The following EBF2 variants were observed in gnomAD, a reference collection of about 807,000 sequenced individuals.
The protein encoded by EBF2 is EBF transcription factor 2.
A neutral mutation model predicts 72.8 loss-of-function variants in EBF2; 21 were observed. The ratio of observed to expected loss-of-function variants is 0.29; its 90% confidence interval spans 0.20 to 0.42. The LOEUF is 0.42. Among genes scored for constraint, EBF2 ranks in the 10% least tolerant of loss-of-function variants. EBF2 has a pLI of 1.00. For synonymous variants in EBF2, 299 were observed against 274.2 expected, an observed-to-expected ratio of 1.09 and a Z score of -0.89; for missense variants, 637 against 731.2, an observed-to-expected ratio of 0.87 and a Z score of 1.49.
chr8:25,855,665 A>ATT (rs1802075436), intron 14 of EBF2, among the ~76,000 whole-genome samples: 3 of 152,058 alleles, frequency 2.0e-5, no homozygotes, highest in Non-Finnish European at 2.9e-5. Flanking sequence ...CTTTTTTTGT[A>ATT]TTTCCCAGAG....
intron 7 of EBF2, 140 bp from the exon 8 acceptor site, chr8:25,890,009 T>G: frequency 1.4e-6 from 1 of 698,838 alleles, no homozygotes; most frequent in Middle Eastern, 2.6e-4. Context: ...CTCAACAGAG[T>G]TTTCTCCTTC....
At chr8:25,963,098 G>A (rs1016078940) in intron 6 of EBF2, among the ~76,000 whole-genome samples, 6 of 152,144 alleles carry the variant, frequency 3.9e-5, no homozygotes, top group Admixed American at 6.5e-5. Flanking sequence ...TGTGTATCCC[G>A]TTCCTGTTGT....
chr8:25,853,275 G>C (rs1408125920), intron 14 of EBF2, among the ~76,000 whole-genome samples: 1 of 151,602 alleles, frequency 6.6e-6, no homozygotes, highest in Non-Finnish European at 1.5e-5. Context: ...GACAGATTAA[G>C]AAAAATATTT....
intron 7 of EBF2, among the ~76,000 whole-genome samples, chr8:25,903,063 T>C (rs1563394730): frequency 1.3e-5 from 2 of 152,338 alleles, no homozygotes; most frequent in Non-Finnish European, 2.9e-5. Flanking sequence ...TGTATGTATT[T>C]AATTTTTATG....
At chr8:25,980,161 G>A (rs1393390063) in intron 6 of EBF2, among the ~76,000 whole-genome samples, 1 of 152,118 alleles carries the variant, frequency 6.6e-6, no homozygotes, top group East Asian at 1.9e-4. Flanking sequence ...GAAAAGCGGG[G>A]GTGGGAGGGG....
At chr8:25,872,574 A>C (rs1802458525) in intron 10 of EBF2, among the ~76,000 whole-genome samples, 1 of 152,208 alleles carries the variant, frequency 6.6e-6, no homozygotes, top group African/African-American at 2.4e-5. Flanking sequence ...CCTAAGGGTG[A>C]CAGCCCACAG....
chr8:25,899,434 C>T (rs114124460), intron 7 of EBF2, among the ~76,000 whole-genome samples: 231 of 152,280 alleles, frequency 1.5e-3, no homozygotes, highest in African/African-American at 5.3e-3. Context: ...CACAGAGCAG[C>T]TGGAGCAGCT....
intron 6 of EBF2, among the ~76,000 whole-genome samples, chr8:25,994,909 C>G (rs1804599721): frequency 6.6e-6 from 1 of 152,306 alleles, no homozygotes; most frequent in Middle Eastern, 3.4e-3. Context: ...TGTGCACATG[C>G]ACCCTCTGAA....
At chr8:26,000,527 A>T (rs942210398) in intron 6 of EBF2, among the ~76,000 whole-genome samples, 2 of 152,128 alleles carry the variant, frequency 1.3e-5, no homozygotes, top group African/African-American at 4.8e-5. Context: ...CTCACTATTC[A>T]TTTGTTCCTT....
rs1164107297 is a variant in EBF2 at position 25,843,397 on chromosome 8, C to CAA, written c.*1211_*1212insTT. The CAA allele has an allele frequency of 6.6e-6, 1 of 152,224 alleles. No homozygotes were observed. Among genetic ancestry groups the CAA allele is most frequent in the Admixed American group, 6.5e-5 (1 of 15,274 alleles). 9.4% of individuals were successfully genotyped at this position (152,224 alleles called of 1,614,324 possible). On this transcript the variant is annotated 3_prime_UTR_variant, in exon 16 of 16. Transcript: ENST00000520164. ...GACTGACTCTAAAGAGTCCATCAAACAGAGTTATCTTCTCCAAACCGTGTT... is the reference window on the plus strand; with the variant it reads ...GACTGACTCTAAAGAGTCCATCAAACAAAGAGTTATCTTCTCCAAACCGTGTT...
chr8:25,969,594 T>A (rs1804161437), intron 6 of EBF2, among the ~76,000 whole-genome samples: 1 of 152,154 alleles, frequency 6.6e-6, no homozygotes, highest in African/African-American at 2.4e-5. Context: ...AATGAGAGCG[T>A]GTTTACTTCA....
intron 6 of EBF2, among the ~76,000 whole-genome samples, chr8:25,995,659 A>T (rs960934750): frequency 6.6e-6 from 1 of 152,118 alleles, no homozygotes; most frequent in African/African-American, 2.4e-5. Context: ...AACTGTTTTT[A>T]AAAAACACCC....
chr8:26,009,682 G>C (rs7018405), intron 6 of EBF2, among the ~76,000 whole-genome samples: 33,707 of 152,056 alleles, frequency 0.22, 4,263 homozygotes, highest in Non-Finnish European at 0.28. Flanking sequence ...TATAGCGATC[G>C]CATGCCAATA....
intron 6 of EBF2, among the ~76,000 whole-genome samples, chr8:25,951,736 A>G (rs1282634504): frequency 2.6e-5 from 4 of 152,112 alleles, no homozygotes; most frequent in Non-Finnish European, 5.9e-5. Context: ...TTGGCTCCAT[A>G]TGTTCCCAGG....
intron 6 of EBF2, among the ~76,000 whole-genome samples, chr8:25,923,400 C>T (rs1213736584): frequency 1.3e-5 from 2 of 152,180 alleles, no homozygotes; most frequent in Non-Finnish European, 2.9e-5. Context: ...TAAGACAGAA[C>T]CTGAAAAATC....
At chr8:25,894,813 A>T (rs1802840307) in intron 7 of EBF2, among the ~76,000 whole-genome samples, 1 of 152,226 alleles carries the variant, frequency 6.6e-6, no homozygotes, top group Non-Finnish European at 1.5e-5. Context: ...TTCACCTAAG[A>T]TCAACTGATC....
chr8:25,928,025 C>T (rs113050196), intron 6 of EBF2, among the ~76,000 whole-genome samples: 952 of 152,188 alleles, frequency 6.3e-3, no homozygotes, highest in Non-Finnish European at 8.2e-3. Context: ...ATAAGGAACA[C>T]GGCTTGTCTC....
In EBF2 at chr8:26,014,649, C is replaced by A. The variant is rs577348786; in HGVS notation, c.551+18436G>T. Among the ~76,000 whole-genome samples the A allele has an allele frequency of 2.0e-5, 3 of 152,318 alleles. No homozygotes were observed. In the East Asian group the frequency reaches 5.8e-4, roughly 29 times the overall value. ...TCACCCAAAGCAAGCAAGGAGAGGA[C>A]CTTGTCATGATCCCAGCATAGAAAA... On this transcript the variant is annotated intron_variant, in intron 6 of 15. Transcript: ENST00000520164.
Position 25,875,749 on chromosome 8 carries a change from C to G in EBF2, c.1009+11006G>C, listed in dbSNP as rs150384250. Reference sequence around the variant, plus strand: ...TAGAGTGCTTTATAAGCCAAAAAGTCTCTGCAACAGCCTCATAAGCAGAAC... The same window carrying G: ...TAGAGTGCTTTATAAGCCAAAAAGTGTCTGCAACAGCCTCATAAGCAGAAC... On this transcript the variant is annotated intron_variant, in intron 10 of 15. Coordinates refer to ENST00000520164, the MANE Select transcript of EBF2 (RefSeq NM_022659.4). 8.0e-4 allele frequency among the ~76,000 whole-genome samples: 122 copies of G among 152,256 alleles called. 2 individuals are homozygous for G. Among genetic ancestry groups the G allele is most frequent in the African/African-American group, 2.9e-3 (119 of 41,556 alleles).
Sources: allele counts gnomAD v4.1 joint callset (sites outside exome capture counted in the v4.1 genomes callset), GRCh38; gene constraint gnomAD v4.1.1; transcripts MANE v1.5; gene names NCBI Gene and HGNC (gene_info 2026-07-23, HGNC 2026-07-21).